ATF7: variants seen among roughly 807,000 people sequenced by gnomAD.
The protein encoded by ATF7 is activating transcription factor 7, also known as cyclic AMP-dependent transcription factor ATF-7.
In ATF7, 10 loss-of-function variants were observed where a neutral mutation model predicts 50.4. The ratio of observed to expected loss-of-function variants is 0.20; its 90% CI spans 0.12 to 0.34. The LOEUF (loss-of-function observed/expected upper bound fraction) is 0.34, where lower values mean the gene tolerates loss of function less well. Ranked by LOEUF, ATF7 falls within the 10% of genes least tolerant of loss-of-function variation. The pLI is 1.00. For synonymous variants in ATF7, 201 were observed against 226.4 expected (o/e 0.89, Z 1.01); for missense variants, 465 against 613.9 (o/e 0.76, Z 2.56).
intron 2 of ATF7, among the ~76,000 whole-genome samples, chr12:53,597,157 A>C (rs974792174): frequency 3.3e-5 from 5 of 152,340 alleles, no homozygotes; most frequent in South Asian, 2.1e-4. Flanking sequence ...TTTTCCGCTA[A>C]GAATGCAGAC....
At chr12:53,608,985 G>A (rs2077306987) in intron 1 of ATF7, among the ~76,000 whole-genome samples, 1 of 152,072 alleles carries the variant, frequency 6.6e-6, no homozygotes, top group African/African-American at 2.4e-5. Flanking sequence ...AGTTTTACTA[G>A]GCAGTAGATT....
chr12:53,544,040 AC>A, intron 3 of ATF7: 1 of 152,736 alleles, frequency 6.5e-6, no homozygotes, highest in Non-Finnish European at 1.5e-5. Flanking sequence ...GAGGAGTAAG[AC>A]AGCAAGATCA....
At chr12:53,521,762 T>C (rs1469118293) in intron 11 of ATF7, among the ~76,000 whole-genome samples, 6 of 152,206 alleles carry the variant, frequency 3.9e-5, no homozygotes, top group African/African-American at 1.4e-4. Context: ...TTTAATCTAA[T>C]TTATTTGGTT....
At chr12:53,539,494 G>C (rs1939410434) in intron 4 of ATF7, among the ~76,000 whole-genome samples, 1 of 152,052 alleles carries the variant, frequency 6.6e-6, no homozygotes, top group Admixed American at 6.6e-5. Context: ...AGGAGTTTGA[G>C]ACCAGCCTGT....
At chr12:53,544,761 A>C (rs946714108) in intron 3 of ATF7, among the ~76,000 whole-genome samples, 2 of 152,040 alleles carry the variant, frequency 1.3e-5, no homozygotes, top group African/African-American at 2.4e-5. Flanking sequence ...AAAAACAAAC[A>C]AAAAAACCCA....
chr12:53,564,940 TG>T (rs1434577003), intron 2 of ATF7, among the ~76,000 whole-genome samples: 1 of 152,194 alleles, frequency 6.6e-6, no homozygotes, highest in East Asian at 1.9e-4. Context: ...TTTTTATGTG[TG>T]GCCCAAGACA....
At chr12:53,608,678 A>G (rs1041208472) in intron 1 of ATF7, among the ~76,000 whole-genome samples, 2 of 152,212 alleles carry the variant, frequency 1.3e-5, no homozygotes, top group South Asian at 2.1e-4. Context: ...ACAGAGCTCT[A>G]TGGGCTCTAT....
chr12:53,608,016 G>A (rs1227566774), intron 1 of ATF7, among the ~76,000 whole-genome samples: 1 of 152,070 alleles, frequency 6.6e-6, no homozygotes, highest in South Asian at 2.1e-4. Context: ...TCAAGAGATC[G>A]AGACCATCCT....
At chr12:53,605,402 A>AG (rs1221391883) in intron 1 of ATF7, among the ~76,000 whole-genome samples, 7 of 151,698 alleles carry the variant, frequency 4.6e-5, no homozygotes, top group Non-Finnish European at 1.0e-4. Context: ...AAAAAAAAAA[A>AG]AAAAAAAGAT....
downstream of ATF7, among the ~76,000 whole-genome samples, chr12:53,508,552 C>CT (rs921550381): frequency 8.8e-6 from 1 of 114,154 alleles, no homozygotes; most frequent in African/African-American, 3.4e-5. Context: ...AAGAGAAACT[C>CT]TGTCTCAAAA....
At position 53,515,210 on chromosome 12, in the gene ATF7, G is replaced by A. The variant is rs1592760404; in HGVS notation, c.*1927C>T. The A allele has an allele frequency of 6.6e-6, 1 of 152,306 alleles. No individual in the cohort carries two copies. The allele number at this position is 152,306 out of a possible 1,614,324, so 9.4% of individuals were successfully genotyped here. On this transcript the variant is annotated 3_prime_UTR_variant, in exon 12 of 12. Transcript: ENST00000420353. ...GCACCAGCTCTGAAAAGCAGGAGGGGAAATTTAAAACAAATGCAGCAGAAC... is the reference window on the plus strand; with the variant it reads ...GCACCAGCTCTGAAAAGCAGGAGGGAAAATTTAAAACAAATGCAGCAGAAC...
intron 4 of ATF7, 43 bp from the exon 5 acceptor site, chr12:53,537,595 C>T (rs775022425): frequency 1.9e-6 from 3 of 1,600,196 alleles, no homozygotes; most frequent in Non-Finnish European, 2.6e-6. Context: ...CCTATGATTC[C>T]TTTCAGGTTG....
chr12:53,577,728 A>AAG (rs1942172013), intron 2 of ATF7, among the ~76,000 whole-genome samples: 2 of 147,296 alleles, frequency 1.4e-5, no homozygotes, highest in Admixed American at 6.8e-5. Context: ...AAAAAAAAAA[A>AAG]AAAGAAAGAA....
intron 2 of ATF7, among the ~76,000 whole-genome samples, chr12:53,560,948 CTTTT>C (rs112538823): frequency 7.3e-6 from 1 of 137,750 alleles, no homozygotes; most frequent in African/African-American, 2.6e-5. Flanking sequence ...TCTTTTCTTT[CTTTT>C]TTTTTTTTTT....
At chr12:53,541,319 T>C (rs1231291223) in intron 4 of ATF7, among the ~76,000 whole-genome samples, 1 of 152,176 alleles carries the variant, frequency 6.6e-6, no homozygotes, top group East Asian at 1.9e-4. Context: ...AATTGTGAGG[T>C]TAATGTGTTT....
At chr12:53,595,711 C>A (rs1419070718) in intron 2 of ATF7, among the ~76,000 whole-genome samples, 1 of 152,096 alleles carries the variant, frequency 6.6e-6, no homozygotes, top group Non-Finnish European at 1.5e-5. Context: ...AAACATTATT[C>A]CTATTATATG....
chr12:53,532,297 C>A (rs1276503086), intron 8 of ATF7, among the ~76,000 whole-genome samples: 1 of 152,196 alleles, frequency 6.6e-6, no homozygotes, highest in African/African-American at 2.4e-5. Context: ...TGCCTCTTTT[C>A]ACTGCCATGG....
At position 53,550,342 on chromosome 12, in the gene ATF7, ATAAAT is replaced by A. The variant is rs1940273941; in HGVS notation, c.145+2194_145+2198del. Among the ~76,000 whole-genome samples the A allele has an allele frequency of 2.1e-5, 3 of 143,560 alleles. No individual in the cohort carries two copies. In the Admixed American group the frequency reaches 2.1e-4, roughly 10 times the overall value. The allele number at this position is 143,560 out of a possible 152,430, so 94.2% of individuals were successfully genotyped here. A position where few individuals can be genotyped will look rare whatever the true frequency, so the allele number is the denominator to read the frequency against. On this transcript the variant is annotated intron_variant, in intron 3 of 11. Transcript: ENST00000420353. ...CTGTCTCAAAAAAAAAAATAAATAA[ATAAAT>A]AAATAAATAAATAAATAAATAATAA... is the stretch of plus-strand genomic sequence containing the variant.
At chr12:53,556,553 T>C (rs367565789) in intron 2 of ATF7, among the ~76,000 whole-genome samples, 11 of 152,192 alleles carry the variant, frequency 7.2e-5, no homozygotes, top group African/African-American at 2.4e-4. Context: ...GCCAAGATCG[T>C]GCCATTGCAC....
Sources: allele counts gnomAD v4.1 joint callset (sites outside exome capture counted in the v4.1 genomes callset), GRCh38; gene constraint gnomAD v4.1.1; transcripts MANE v1.5; gene names NCBI Gene and HGNC (gene_info 2026-07-23, HGNC 2026-07-21).